TBCA: variants seen among roughly 807,000 people sequenced by gnomAD.
TBCA encodes the protein tubulin folding cofactor A, also known as tubulin-specific chaperone A.
In TBCA, 6 loss-of-function variants were observed where a neutral mutation model predicts 15.8. The observed-to-expected ratio is 0.38, with a 90% confidence interval of 0.21 to 0.75. The LOEUF is 0.75. Ranked by LOEUF, TBCA falls within the 30% of genes least tolerant of loss-of-function variation. TBCA has a pLI of 0.46. For missense variants in TBCA, 90 were observed against 131.2 expected, an observed-to-expected ratio of 0.69 and a Z score of 1.53; for synonymous variants, 32 against 42.3, an observed-to-expected ratio of 0.76 and a Z score of 0.94.
chr5:77,751,101 T>A (rs352565), intron 1 of TBCA, among the ~76,000 whole-genome samples: 66,192 of 150,566 alleles, frequency 0.44, 14,758 homozygotes, highest in East Asian at 0.53. Flanking sequence ...TGGAGGGGTA[T>A]AATGAAGCCT....
chr5:77,762,116 C>T (rs1026831880), intron 1 of TBCA, among the ~76,000 whole-genome samples: 1 of 152,124 alleles, frequency 6.6e-6, no homozygotes, highest in African/African-American at 2.4e-5. Context: ...ACAGTAGATA[C>T]TGGAATGAAA....
chr5:77,748,915 T>C (rs971102097), intron 1 of TBCA, among the ~76,000 whole-genome samples: 11 of 152,236 alleles, frequency 7.2e-5, no homozygotes, highest in African/African-American at 2.7e-4. Context: ...TATTGTACTG[T>C]GTTTACCAAC....
At chr5:77,730,119 T>C (rs1746731369) in intron 1 of TBCA, among the ~76,000 whole-genome samples, 1 of 152,208 alleles carries the variant, frequency 6.6e-6, no homozygotes, top group Admixed American at 6.5e-5. Flanking sequence ...AGCTGAGACG[T>C]TGTATTGGAT....
rs917254959 is a variant in TBCA, at chr5:77,763,632, C to A, written c.53+12573G>T. 6.6e-5 allele frequency among the ~76,000 whole-genome samples: 10 copies of A among 152,160 alleles called. 1 individual carries two copies. The highest frequency in any genetic ancestry group is 6.3e-3 in the Middle Eastern group (2 of 316). Reference sequence around the variant, plus strand: ...CTTGTAAAAGAGACCTCAGAGAGCTCTCCAGATCTCTTCCCACCACTCGAG... The same window carrying A: ...CTTGTAAAAGAGACCTCAGAGAGCTATCCAGATCTCTTCCCACCACTCGAG... On this transcript the variant is annotated intron_variant, in intron 1 of 3. Transcript: ENST00000380377.
In TBCA at chr5:77,759,039, C is replaced by T. The variant is rs959513393; in HGVS notation, c.53+17166G>A. ...GGATAACTGCCAAACCATCACCTGA[C>T]GGTCACCTGACACTCCTGGTGGGGG... is the stretch of plus-strand genomic sequence containing the variant. On this transcript the variant is annotated intron_variant, in intron 1 of 3. Transcript: ENST00000380377. Among the ~76,000 whole-genome samples, 15 of 152,288 alleles carry T rather than the reference C, an allele frequency of 9.8e-5. No homozygotes were observed. The South Asian group carries it at 1.7e-3, about 17-fold the overall frequency.
chr5:77,709,629 C>G (rs1421349344), intron 1 of TBCA, among the ~76,000 whole-genome samples: 2 of 152,034 alleles, frequency 1.3e-5, no homozygotes, highest in African/African-American at 4.8e-5. Context: ...TTTAACTATT[C>G]CTCAAAAAGT....
intron 1 of TBCA, among the ~76,000 whole-genome samples, chr5:77,775,256 C>T (rs1580144913): frequency 6.6e-6 from 1 of 152,192 alleles, no homozygotes; most frequent in East Asian, 1.9e-4. Context: ...AGTGACTATT[C>T]TTCTATCCCT....
At chr5:77,745,920 T>TA (rs1339038502) in intron 1 of TBCA, among the ~76,000 whole-genome samples, 1 of 152,228 alleles carries the variant, frequency 6.6e-6, no homozygotes, top group Non-Finnish European at 1.5e-5. Flanking sequence ...TTTTAATTAC[T>TA]ATGGTAACCA....
At chr5:77,721,791 G>A (rs1018364619) in intron 1 of TBCA, among the ~76,000 whole-genome samples, 15 of 151,922 alleles carry the variant, frequency 9.9e-5, no homozygotes, top group African/African-American at 2.7e-4. Context: ...TTTATAGCCT[G>A]TAGTTTAAAA....
chr5:77,734,673 C>A (rs144144042), intron 1 of TBCA, among the ~76,000 whole-genome samples: 1 of 152,278 alleles, frequency 6.6e-6, no homozygotes, highest in African/African-American at 2.4e-5. Flanking sequence ...TAATACTATA[C>A]GTAAACTTAG....
At chr5:77,695,052 C>T (rs1745843714) in intron 2 of TBCA, among the ~76,000 whole-genome samples, 1 of 152,084 alleles carries the variant, frequency 6.6e-6, no homozygotes, top group Non-Finnish European at 1.5e-5. Context: ...TTTCCTATTT[C>T]CTTTCCTATG....
chr5:77,705,417 A>G (rs1471474436), intron 2 of TBCA: 1 of 390,906 alleles, frequency 2.6e-6, no homozygotes, highest in East Asian at 3.6e-5. Flanking sequence ...CACTAGATGT[A>G]GGAAAACAAT....
intron 1 of TBCA, among the ~76,000 whole-genome samples, chr5:77,767,351 C>T (rs1280676524): frequency 6.6e-6 from 1 of 152,108 alleles, no homozygotes; most frequent in Non-Finnish European, 1.5e-5. Flanking sequence ...AGGATCTCAA[C>T]AACAACAGAG....
intron 1 of TBCA, among the ~76,000 whole-genome samples, chr5:77,742,625 G>C (rs1407167101): frequency 6.6e-6 from 1 of 152,138 alleles, no homozygotes; most frequent in African/African-American, 2.4e-5. Context: ...TTAACTTTCA[G>C]TAAATATACC....
rs538413242 is a variant in TBCA at position 77,693,714 on chromosome 5, G to A, written c.160-362C>T. Reference sequence around the variant, plus strand: ...CTCAGGAGGCTGAGGCAGGAGAATCGCTTGAACCCAGGAGGCGGAGGCTGT... The same window carrying A: ...CTCAGGAGGCTGAGGCAGGAGAATCACTTGAACCCAGGAGGCGGAGGCTGT... On this transcript the variant is annotated intron_variant, in intron 2 of 3. Transcript: ENST00000380377. 42 of 195,844 alleles carry A rather than the reference G, an allele frequency of 2.1e-4. 1 individual carries two copies. In the East Asian group the frequency reaches 4.4e-3, roughly 20 times the overall value. 12.1% of individuals were successfully genotyped at this position (195,844 alleles called of 1,614,324 possible).
intron 1 of TBCA, among the ~76,000 whole-genome samples, chr5:77,715,022 C>T (rs548281916): frequency 1.6e-4 from 24 of 152,144 alleles, no homozygotes; most frequent in Admixed American, 3.3e-4. Flanking sequence ...GTGAAAAGTG[C>T]TATGGAGAAA....
chr5:77,760,516 G>A (rs916660372), intron 1 of TBCA, among the ~76,000 whole-genome samples: 11 of 151,996 alleles, frequency 7.2e-5, no homozygotes, highest in South Asian at 2.1e-4. Flanking sequence ...TCCCGGCCTC[G>A]GGCTCCCATG....
chr5:77,769,401 A>G (rs1747853982), intron 1 of TBCA, among the ~76,000 whole-genome samples: 1 of 152,216 alleles, frequency 6.6e-6, no homozygotes, highest in Non-Finnish European at 1.5e-5. Context: ...CCATACTTCT[A>G]TGCACCATTG....
intron 2 of TBCA, 68 bp from the exon 3 acceptor site, chr5:77,693,420 G>C: frequency 1.3e-6 from 2 of 1,520,020 alleles, no homozygotes; most frequent in Non-Finnish European, 1.8e-6. Context: ...TCATATCTTG[G>C]TAAGTATATC....
Sources: allele counts gnomAD v4.1 joint callset (sites outside exome capture counted in the v4.1 genomes callset), GRCh38; gene constraint gnomAD v4.1.1; transcripts MANE v1.5; gene names NCBI Gene and HGNC (gene_info 2026-07-23, HGNC 2026-07-21).